The following ITGA8 variants were observed in gnomAD, a reference collection of about 807,000 sequenced individuals.
ITGA8 encodes integrin alpha-8.
ITGA8 carries 91 observed loss-of-function variants against 142.3 expected under a neutral mutation model. The ratio of observed to expected loss-of-function variants is 0.64; its 90% confidence interval spans 0.54 to 0.76. The LOEUF is 0.76. ITGA8 is among the 30% of genes least tolerant of loss of function. The pLI is 0.00. For missense variants in ITGA8, 1,406 were observed against 1,327.7 expected (o/e 1.06, Z -0.92); for synonymous variants, 505 against 485.2 (o/e 1.04, Z -0.54).
chr10:15,611,248 A>G (rs893270579), intron 15 of ITGA8, among the ~76,000 whole-genome samples: 2 of 152,204 alleles, frequency 1.3e-5, no homozygotes, highest in Non-Finnish European at 2.9e-5. Context: ...ACCAGCTGTT[A>G]ACTTTCTGTC....
intron 26 of ITGA8, among the ~76,000 whole-genome samples, chr10:15,556,018 CTTTTTTTTTTT>C (rs869241754): frequency 1.5e-4 from 8 of 53,630 alleles, no homozygotes; most frequent in African/African-American, 2.6e-4. Context: ...CTCTCTCTCT[CTTTTTTTTTTT>C]TTTTTTTTTT....
At chr10:15,525,332 T>C (rs1266784701) in intron 28 of ITGA8, among the ~76,000 whole-genome samples, 1 of 151,982 alleles carries the variant, frequency 6.6e-6, no homozygotes, top group African/African-American at 2.4e-5. Context: ...ACATAAAATG[T>C]TCTAATAGTC....
intron 2 of ITGA8, among the ~76,000 whole-genome samples, chr10:15,699,868 G>A (rs1835129217): frequency 6.6e-6 from 1 of 152,122 alleles, no homozygotes; most frequent in African/African-American, 2.4e-5. Context: ...ACCATGGAAT[G>A]GTACCTCATT....
intron 13 of ITGA8, among the ~76,000 whole-genome samples, chr10:15,626,515 G>A (rs1049284484): frequency 3.3e-5 from 5 of 152,030 alleles, no homozygotes; most frequent in Non-Finnish European, 7.4e-5. Flanking sequence ...CACTGCACCC[G>A]GCCTCCTTTC....
chr10:15,620,525 A>G (rs562827477), intron 13 of ITGA8, among the ~76,000 whole-genome samples: 3 of 152,250 alleles, frequency 2.0e-5, no homozygotes, highest in East Asian at 1.9e-4. Flanking sequence ...ACAGGCCACA[A>G]TTTTCTTCAT....
chr10:15,604,786 T>C (rs553858718), intron 19 of ITGA8, among the ~76,000 whole-genome samples: 2 of 151,866 alleles, frequency 1.3e-5, no homozygotes, highest in South Asian at 2.1e-4. Flanking sequence ...AAATGGGCAA[T>C]GGAATAAAAG....
At chr10:15,519,529 A>C in intron 28 of ITGA8, 117 bp from the exon 29 acceptor site, 1 of 1,078,952 alleles carries the variant, frequency 9.3e-7, no homozygotes, top group Non-Finnish European at 1.4e-6. Context: ...GACAATTGAA[A>C]TCATCTAGGG....
At chr10:15,554,941 T>A (rs1049590939) in intron 26 of ITGA8, among the ~76,000 whole-genome samples, 2 of 152,012 alleles carry the variant, frequency 1.3e-5, no homozygotes. Context: ...AAACTTTAAT[T>A]TTTCAGTTAT....
chr10:15,593,711 T>C (rs923390845), intron 21 of ITGA8, among the ~76,000 whole-genome samples: 8 of 152,222 alleles, frequency 5.3e-5, no homozygotes, highest in African/African-American at 1.9e-4. Flanking sequence ...TGGCTTTACA[T>C]TTGTCATATC....
chr10:15,682,853 C>CAAA (rs3048323), intron 4 of ITGA8, among the ~76,000 whole-genome samples: 37 of 120,152 alleles, frequency 3.1e-4, no homozygotes, highest in African/African-American at 1.1e-3. Context: ...GACCCTGTCT[C>CAAA]AAAAAAAAAA....
chr10:15,591,171 A>G (rs1832915859), intron 22 of ITGA8, among the ~76,000 whole-genome samples: 1 of 152,056 alleles, frequency 6.6e-6, no homozygotes, highest in African/African-American at 2.4e-5. Context: ...CTTGCACACT[A>G]GTATTTGAGA....
At chr10:15,613,208 G>A (rs1833331888) in intron 15 of ITGA8, among the ~76,000 whole-genome samples, 1 of 145,698 alleles carries the variant, frequency 6.9e-6, no homozygotes, top group African/African-American at 2.5e-5. Context: ...TAAATAAACA[G>A]GACATTATAT....
intron 15 of ITGA8, among the ~76,000 whole-genome samples, chr10:15,612,058 AG>A (rs1174476630): frequency 6.6e-6 from 1 of 152,154 alleles, no homozygotes; most frequent in Non-Finnish European, 1.5e-5. Flanking sequence ...TTAATCATGC[AG>A]GGGTAAGGAT....
intron 2 of ITGA8, among the ~76,000 whole-genome samples, chr10:15,707,465 A>G (rs905003580): frequency 5.3e-5 from 8 of 152,182 alleles, no homozygotes; most frequent in Non-Finnish European, 1.0e-4. Context: ...GAAGGAATGC[A>G]GCTCTGCCAA....
chr10:15,586,511 A>T (rs562232258), intron 23 of ITGA8, 73 bp downstream of exon 23: 2 of 871,766 alleles, frequency 2.3e-6, no homozygotes, highest in Non-Finnish European at 3.8e-6. Flanking sequence ...AAAATTCCAC[A>T]TCATTTTCAC....
intron 2 of ITGA8, among the ~76,000 whole-genome samples, chr10:15,700,455 T>C (rs1236753416): frequency 6.6e-6 from 1 of 152,246 alleles, no homozygotes; most frequent in Non-Finnish European, 1.5e-5. Context: ...AGTGCTTCAC[T>C]TGGCTGCCTT....
intron 13 of ITGA8, among the ~76,000 whole-genome samples, chr10:15,620,660 G>A (rs918523603): frequency 1.2e-4 from 18 of 152,290 alleles, no homozygotes; most frequent in African/African-American, 4.3e-4. Flanking sequence ...CTTATGCTCG[G>A]GACCTTAAAA....
At chr10:15,656,466 C>T (rs537765834) in intron 10 of ITGA8, among the ~76,000 whole-genome samples, 1 of 152,088 alleles carries the variant, frequency 6.6e-6, no homozygotes, top group East Asian at 1.9e-4. Flanking sequence ...TGGATTCAGG[C>T]AATTCTCCTG....
intron 12 of ITGA8, among the ~76,000 whole-genome samples, chr10:15,644,810 A>G (rs372746149): frequency 4.0e-5 from 6 of 151,850 alleles, no homozygotes; most frequent in African/African-American, 1.4e-4. Context: ...AAGAGCCTCC[A>G]GGGCCTGGCG....
Sources: allele counts gnomAD v4.1 joint callset (sites outside exome capture counted in the v4.1 genomes callset), GRCh38; gene constraint gnomAD v4.1.1; transcripts MANE v1.5; gene names NCBI Gene and HGNC (gene_info 2026-07-23, HGNC 2026-07-21).